Variants in ZBBX observed in about 807,000 individuals in gnomAD.
ZBBX encodes zinc finger B-box domain containing.
ZBBX carries 101 observed loss-of-function variants against 108.5 expected under a neutral mutation model. The observed-to-expected ratio is 0.93, with a 90% CI of 0.79 to 1.10. ZBBX has a LOEUF of 1.10. Ranked by LOEUF, ZBBX falls within the 50% of genes least tolerant of loss-of-function variation. ZBBX has a pLI of 0.00. For synonymous variants in ZBBX, 356 were observed against 323.4 expected (o/e 1.10, Z -1.08); for missense variants, 1,009 against 941.4 (o/e 1.07, Z -0.94).
At chr3:167,405,613 A>G (rs541440085) in intron 1 of ZBBX, among the ~76,000 whole-genome samples, 1 of 152,332 alleles carries the variant, frequency 6.6e-6, no homozygotes, top group South Asian at 2.1e-4. Context: ...AGAAAAACTT[A>G]GTATAGGTTA....
chr3:167,320,364 A>G (rs1313635081), intron 12 of ZBBX, among the ~76,000 whole-genome samples: 1 of 151,970 alleles, frequency 6.6e-6, no homozygotes, highest in Non-Finnish European at 1.5e-5. Context: ...ATAATATTAG[A>G]TATCAATCCC....
chr3:167,247,999 G>A (rs1721886706), intron 20 of ZBBX, among the ~76,000 whole-genome samples: 1 of 152,100 alleles, frequency 6.6e-6, no homozygotes, highest in South Asian at 2.1e-4. Flanking sequence ...ATAATGTTAA[G>A]AGTTTTGCTA....
chr3:167,188,062 A>G, the ZBBX span, among the ~76,000 whole-genome samples: 2 of 152,222 alleles, frequency 1.3e-5, no homozygotes, highest in African/African-American at 4.8e-5. Flanking sequence ...AAGAAATCAC[A>G]ATAGAGAAAA....
intron 18 of ZBBX, among the ~76,000 whole-genome samples, chr3:167,294,577 G>A (rs981947594): frequency 4.6e-5 from 7 of 151,944 alleles, no homozygotes; most frequent in Middle Eastern, 3.4e-3. Context: ...ATGTAAGAAC[G>A]AAAACCATAA....
At chr3:167,298,175 T>C (rs1731999641) in intron 18 of ZBBX, 130 bp downstream of exon 18, 2 of 608,154 alleles carry the variant, frequency 3.3e-6, no homozygotes, top group East Asian at 6.5e-5. Flanking sequence ...AATGTAAATA[T>C]ATGGCAACTA....
Position 167,322,226 on chromosome 3 carries a change from C to T in ZBBX, c.874G>A (p.Glu292Lys). ...TTCAGATTAGTCTGTACTTCGCATT[C>T]TTCCAATGAGTCTGTAAAAATAAAC... Reference protein sequence around the residue: ...LHAAVKDSLEECEVQTNLKIW... With the variant: ...LHAAVKDSLEKCEVQTNLKIW... The change falls in exon 12 of 22, where the codon GAA (glutamate) becomes AAA (lysine). Residue 292 changes from glutamate (E) to lysine (K), a missense_variant. Coordinates refer to ENST00000675490, the MANE Select transcript of ZBBX (RefSeq NM_001199201.2). The T allele has an allele frequency of 6.8e-7, 1 of 1,463,350 alleles. No individual in the cohort carries two copies. Among genetic ancestry groups the T allele is most frequent in the Middle Eastern group, 1.8e-4 (1 of 5,512 alleles). The allele number at this position is 1,463,350 out of a possible 1,614,324, so 90.6% of individuals were successfully genotyped here.
intron 13 of ZBBX, among the ~76,000 whole-genome samples, 169 bp downstream of exon 13, chr3:167,317,319 G>C (rs954059440): frequency 6.6e-6 from 1 of 151,856 alleles, no homozygotes; most frequent in Non-Finnish European, 1.5e-5. Context: ...GTATATCTAG[G>C]GAAAGGGAAA....
chr3:167,250,637 G>A (rs1046380527), intron 20 of ZBBX, among the ~76,000 whole-genome samples: 1 of 151,984 alleles, frequency 6.6e-6, no homozygotes, highest in South Asian at 2.1e-4. Flanking sequence ...AGACCGCTAG[G>A]AGTCTGACTG....
the ZBBX span, among the ~76,000 whole-genome samples, chr3:167,233,157 G>A: frequency 6.6e-6 from 1 of 151,652 alleles, no homozygotes; most frequent in East Asian, 2.0e-4. Flanking sequence ...GGCCTGCTGA[G>A]GCCATGTTTC....
intron 2 of ZBBX, among the ~76,000 whole-genome samples, chr3:167,376,020 G>A (rs1746901885): frequency 6.6e-6 from 1 of 152,006 alleles, no homozygotes; most frequent in Non-Finnish European, 1.5e-5. Flanking sequence ...CACAATCAAG[G>A]GGAAATCCAC....
chr3:167,368,271 A>T (rs933210148), intron 5 of ZBBX, among the ~76,000 whole-genome samples, 190 bp downstream of exon 5: 3 of 151,916 alleles, frequency 2.0e-5, no homozygotes, highest in Non-Finnish European at 4.4e-5. Flanking sequence ...TGGTAATTTT[A>T]AAAAGCAACA....
At chr3:167,201,502 G>A in the ZBBX span, among the ~76,000 whole-genome samples, 1 of 151,960 alleles carries the variant, frequency 6.6e-6, no homozygotes, top group Non-Finnish European at 1.5e-5. Flanking sequence ...CATTACTGAT[G>A]GTTTCCATTA....
intron 17 of ZBBX, among the ~76,000 whole-genome samples, chr3:167,300,972 A>G (rs1214679917): frequency 2.7e-5 from 4 of 147,270 alleles, no homozygotes; most frequent in African/African-American, 7.6e-5. Flanking sequence ...GGTCTGTTAC[A>G]TAGGTAAATT....
chr3:167,401,230 T>C (rs1462277875), intron 1 of ZBBX: 1 of 152,150 alleles, frequency 6.6e-6, no homozygotes, highest in Non-Finnish European at 1.5e-5. Flanking sequence ...AATAAAAAAC[T>C]TCTAAGAAGT....
At chr3:167,180,505 A>T in the ZBBX span, among the ~76,000 whole-genome samples, 1 of 152,222 alleles carries the variant, frequency 6.6e-6, no homozygotes, top group Non-Finnish European at 1.5e-5. Context: ...AGTGTGAAAA[A>T]TCAAATTTTG....
At chr3:167,324,486 G>C (rs933983628) in intron 11 of ZBBX, among the ~76,000 whole-genome samples, 2 of 152,094 alleles carry the variant, frequency 1.3e-5, no homozygotes, top group Admixed American at 6.6e-5. Flanking sequence ...ATAAAAAACT[G>C]AATCCCCAAT....
chr3:167,391,053 G>A (rs919512626), intron 1 of ZBBX, among the ~76,000 whole-genome samples: 1 of 152,080 alleles, frequency 6.6e-6, no homozygotes, highest in African/African-American at 2.4e-5. Flanking sequence ...GGGCATCCTT[G>A]TCTTGTGCCG....
intron 11 of ZBBX, among the ~76,000 whole-genome samples, chr3:167,325,605 T>C (rs1664850096): frequency 2.0e-5 from 3 of 152,136 alleles, no homozygotes; most frequent in Non-Finnish European, 2.9e-5. Flanking sequence ...CAAATTATAC[T>C]AATCATTTGA....
rs531691429 is a variant in ZBBX, at chr3:167,370,472, C to G, written c.69-1898G>C. ...CCATGCTTAAAGTCTTGAAAGCCTA[C>G]CACACTTCACAAACTGCTTACAGGA... On this transcript the variant is annotated intron_variant, in intron 4 of 21. Coordinates refer to ENST00000675490, the MANE Select transcript of ZBBX (RefSeq NM_001199201.2). Among the ~76,000 whole-genome samples, 3 of 152,252 alleles carry G rather than the reference C, an allele frequency of 2.0e-5. No homozygotes were observed. In the South Asian group the frequency reaches 6.2e-4, roughly 32 times the overall value.
Sources: allele counts gnomAD v4.1 joint callset (sites outside exome capture counted in the v4.1 genomes callset), GRCh38; gene constraint gnomAD v4.1.1; transcripts MANE v1.5; gene names NCBI Gene and HGNC (gene_info 2026-07-23, HGNC 2026-07-21).